Variants in MAML2 observed in about 807,000 individuals in gnomAD.
The protein encoded by MAML2 is mastermind-like protein 2.
Under a neutral mutation model 96.1 loss-of-function variants are expected in MAML2, and 22 were observed. That is an observed-to-expected ratio of 0.23 (90% CI 0.16 to 0.33). MAML2 has a LOEUF of 0.33. MAML2 is among the 10% of genes least tolerant of loss of function. The pLI, the probability that MAML2 is intolerant of heterozygous loss-of-function variation, is 1.00. For missense variants in MAML2, 1,367 were observed against 1,392.4 expected, an observed-to-expected ratio of 0.98 and a Z score of 0.29; for synonymous variants, 561 against 521.3, an observed-to-expected ratio of 1.08 and a Z score of -1.04.
At chr11:96,252,543 A>G (rs1862598344) in intron 1 of MAML2, among the ~76,000 whole-genome samples, 2 of 148,908 alleles carry the variant, frequency 1.3e-5, no homozygotes, top group South Asian at 4.2e-4. Context: ...CTCCTGCCTC[A>G]GCCTCCCAAG....
intron 1 of MAML2, among the ~76,000 whole-genome samples, chr11:96,099,168 G>A (rs982069337): frequency 1.3e-5 from 2 of 152,066 alleles, no homozygotes; most frequent in Non-Finnish European, 2.9e-5. Flanking sequence ...TCCATCATCT[G>A]CAAACTTTCC....
chr11:96,303,077 A>G (rs74689880), intron 1 of MAML2, among the ~76,000 whole-genome samples: 2,548 of 152,334 alleles, frequency 0.017, 31 homozygotes, highest in Non-Finnish European at 0.02. Flanking sequence ...GCTTTATAAA[A>G]TGGCCCTGAC....
Position 95,976,911 on chromosome 11 carries a change from C to A in MAML2, c.*2037G>T, listed in dbSNP as rs1349179552. 1 of 191,402 alleles carries A rather than the reference C, an allele frequency of 5.2e-6. No homozygotes were observed. Among genetic ancestry groups the A allele is most frequent in the Non-Finnish European group, 1.1e-5 (1 of 91,478 alleles). The allele number at this position is 191,402 out of a possible 1,614,324, so 11.9% of individuals were successfully genotyped here. On this transcript the variant is annotated 3_prime_UTR_variant, in exon 5 of 5. Transcript: ENST00000524717. ...AAATCGGAAAACACACAGTAGACTA[C>A]ATGCAACAAGGACCAATACAATGTG...
intron 2 of MAML2, among the ~76,000 whole-genome samples, chr11:96,016,671 C>G (rs533580096): frequency 2.6e-5 from 4 of 152,206 alleles, no homozygotes; most frequent in Non-Finnish European, 5.9e-5. Context: ...CTCCTATGTT[C>G]ATATAAACAC....
At chr11:96,018,104 G>C (rs1424503099) in intron 2 of MAML2, among the ~76,000 whole-genome samples, 1 of 152,204 alleles carries the variant, frequency 6.6e-6, no homozygotes, top group Non-Finnish European at 1.5e-5. Flanking sequence ...ATTCCACATA[G>C]TCTCTGACGG....
At chr11:96,252,955 A>G (rs1288740402) in intron 1 of MAML2, among the ~76,000 whole-genome samples, 1 of 152,230 alleles carries the variant, frequency 6.6e-6, no homozygotes, top group Non-Finnish European at 1.5e-5. Flanking sequence ...TGCTGACATG[A>G]AAGTGTGGGT....
chr11:96,093,920 G>C (rs1411523177), intron 1 of MAML2, among the ~76,000 whole-genome samples: 1 of 152,180 alleles, frequency 6.6e-6, no homozygotes. Context: ...CAGATGATCA[G>C]AGTGTGCACA....
intron 2 of MAML2, among the ~76,000 whole-genome samples, chr11:96,078,110 C>T (rs1212204831): frequency 3.3e-5 from 5 of 152,116 alleles, no homozygotes. Context: ...GGTGGATGCC[C>T]CTTCTCTGTG....
intron 1 of MAML2, among the ~76,000 whole-genome samples, chr11:96,262,786 T>C (rs566560377): frequency 1.4e-3 from 220 of 152,350 alleles, no homozygotes; most frequent in Non-Finnish European, 2.8e-3. Flanking sequence ...CTCTGTTTCA[T>C]TTACTGCCCA....
chr11:96,172,522 G>A (rs879728317), intron 1 of MAML2, among the ~76,000 whole-genome samples: 2 of 152,204 alleles, frequency 1.3e-5, no homozygotes, highest in Admixed American at 6.5e-5. Flanking sequence ...GCGAGAAGGA[G>A]GGCTCTGTGC....
At chr11:96,267,171 T>C (rs1430493358) in intron 1 of MAML2, among the ~76,000 whole-genome samples, 1 of 152,116 alleles carries the variant, frequency 6.6e-6, no homozygotes, top group Non-Finnish European at 1.5e-5. Flanking sequence ...AAGAAAACAA[T>C]AGTGGAGTCA....
chr11:96,032,763 T>C (rs941063519), intron 2 of MAML2, among the ~76,000 whole-genome samples: 1 of 152,154 alleles, frequency 6.6e-6, no homozygotes, highest in Non-Finnish European at 1.5e-5. Flanking sequence ...GACTCTCAAG[T>C]GCGCTATGCT....
chr11:96,056,030 A>C (rs568112718), intron 2 of MAML2, among the ~76,000 whole-genome samples: 86 of 152,288 alleles, frequency 5.6e-4, no homozygotes, highest in African/African-American at 2.0e-3. Flanking sequence ...GCCATGACAA[A>C]AGCAATGGGT....
At chr11:96,193,090 C>T (rs1429407483) in intron 1 of MAML2, among the ~76,000 whole-genome samples, 5 of 152,150 alleles carry the variant, frequency 3.3e-5, no homozygotes, top group East Asian at 1.9e-4. Context: ...GTGTTGGGGC[C>T]GGGTGCGGTG....
At chr11:96,287,571 TTTGTC>T (rs1446957261) in intron 1 of MAML2, among the ~76,000 whole-genome samples, 3 of 152,238 alleles carry the variant, frequency 2.0e-5, no homozygotes, top group African/African-American at 7.2e-5. Flanking sequence ...CATCTACTTT[TTTGTC>T]TTGTCTTTAG....
At chr11:96,073,524 G>A (rs1315593201) in intron 2 of MAML2, among the ~76,000 whole-genome samples, 7 of 152,004 alleles carry the variant, frequency 4.6e-5, no homozygotes, top group Non-Finnish European at 1.0e-4. Context: ...GTTTCACTGT[G>A]TTAGCCAGGA....
At chr11:96,166,864 T>C (rs752651) in intron 1 of MAML2, among the ~76,000 whole-genome samples, 38,133 of 152,116 alleles carry the variant, frequency 0.25, 4,981 homozygotes, top group East Asian at 0.47. Flanking sequence ...TACTGACTGC[T>C]CACCCGCTAA....
chr11:96,214,781 T>C (rs546581084), intron 1 of MAML2, among the ~76,000 whole-genome samples: 4 of 152,370 alleles, frequency 2.6e-5, no homozygotes, highest in Admixed American at 1.3e-4. Flanking sequence ...AAGTAGCTGA[T>C]GTATGCTGAA....
chr11:96,040,303 A>G (rs770308099), intron 2 of MAML2, among the ~76,000 whole-genome samples: 1 of 152,164 alleles, frequency 6.6e-6, no homozygotes, highest in Non-Finnish European at 1.5e-5. Context: ...AGAGTAACAG[A>G]GATGAAAAGT....
Sources: allele counts gnomAD v4.1 joint callset (sites outside exome capture counted in the v4.1 genomes callset), GRCh38; gene constraint gnomAD v4.1.1; transcripts MANE v1.5; gene names NCBI Gene and HGNC (gene_info 2026-07-23, HGNC 2026-07-21).